The following FNIP2 variants were observed in gnomAD, a reference collection of about 807,000 sequenced individuals.
The protein encoded by FNIP2 is folliculin interacting protein 2.
A neutral mutation model predicts 108.7 loss-of-function variants in FNIP2; 32 were observed. The observed-to-expected ratio is 0.29, with a 90% CI of 0.22 to 0.40. The LOEUF (loss-of-function observed/expected upper bound fraction) is 0.40. FNIP2 is among the 10% of genes least tolerant of loss of function. The pLI, the probability that FNIP2 is intolerant of heterozygous loss-of-function variation, is 1.00. For missense variants in FNIP2, 1,202 were observed against 1,381.6 expected (o/e 0.87, Z 2.06); for synonymous variants, 480 against 496.7 (o/e 0.97, Z 0.45).
chr4:158,820,694 C>G (rs1406674998), intron 1 of FNIP2, among the ~76,000 whole-genome samples: 7 of 39,990 alleles, frequency 1.8e-4, no homozygotes, highest in Non-Finnish European at 4.7e-5. Flanking sequence ...GGAGACACAT[C>G]CCAAGCACCC....
chr4:158,899,771 A>G (rs867265283), intron 16 of FNIP2, among the ~76,000 whole-genome samples: 1 of 151,858 alleles, frequency 6.6e-6, no homozygotes, highest in Non-Finnish European at 1.5e-5. Flanking sequence ...CTAGTGGTCT[A>G]TTTTGTTGAT....
At chr4:158,895,646 A>AT in intron 15 of FNIP2, 104 bp from the exon 16 acceptor site, 1 of 715,710 alleles carries the variant, frequency 1.4e-6, no homozygotes, top group Non-Finnish European at 2.5e-6. Flanking sequence ...AACTGATGAG[A>AT]TAAAAGCTGT....
chr4:158,784,170 G>T (rs1371859818), intron 1 of FNIP2, among the ~76,000 whole-genome samples: 2 of 152,234 alleles, frequency 1.3e-5, no homozygotes, highest in African/African-American at 4.8e-5. Flanking sequence ...GTTGTCAGAA[G>T]ATATTAAGCC....
chr4:158,893,676 G>T (rs1223367154), intron 15 of FNIP2: 1 of 1,583,026 alleles, frequency 6.3e-7, no homozygotes. Flanking sequence ...CCTTCTAAAA[G>T]CAGGTTGAGT....
At chr4:158,831,283 A>C (rs1778468453) in intron 3 of FNIP2, among the ~76,000 whole-genome samples, 2 of 152,320 alleles carry the variant, frequency 1.3e-5, no homozygotes, top group South Asian at 4.1e-4. Context: ...GGAGGCAGGC[A>C]GTCCACTCTT....
intron 3 of FNIP2, among the ~76,000 whole-genome samples, chr4:158,830,877 C>T (rs1560784583): frequency 6.6e-6 from 1 of 152,102 alleles, no homozygotes; most frequent in African/African-American, 2.4e-5. Flanking sequence ...TTCTGCATCC[C>T]AAGACACTCA....
intron 6 of FNIP2, 109 bp from the exon 7 acceptor site, chr4:158,835,296 A>C (rs1463402416): frequency 2.6e-6 from 2 of 781,594 alleles, no homozygotes; most frequent in African/African-American, 1.7e-5. Flanking sequence ...GCTTATGCCA[A>C]TCATCAGTAG....
intron 1 of FNIP2, among the ~76,000 whole-genome samples, chr4:158,820,093 TTG>T (rs1777798311): frequency 1.3e-5 from 2 of 152,354 alleles, no homozygotes; most frequent in African/African-American, 4.8e-5. Context: ...TCATTATTGT[TTG>T]TTTTTGTTTT....
intron 15 of FNIP2, among the ~76,000 whole-genome samples, chr4:158,894,128 G>T (rs1782471946): frequency 6.6e-6 from 1 of 150,918 alleles, no homozygotes; most frequent in African/African-American, 2.4e-5. Context: ...AAAGCCCCCA[G>T]CATGGTTCAA....
chr4:158,827,533 G>A (rs1323683667), intron 2 of FNIP2, among the ~76,000 whole-genome samples: 1 of 152,136 alleles, frequency 6.6e-6, no homozygotes, highest in Admixed American at 6.5e-5. Context: ...TCCAGTCAGT[G>A]CTCTATTCAC....
At chr4:158,827,375 A>G (rs1229063948) in intron 2 of FNIP2, among the ~76,000 whole-genome samples, 4 of 152,196 alleles carry the variant, frequency 2.6e-5, no homozygotes, top group Admixed American at 2.0e-4. Flanking sequence ...AAGAAACACA[A>G]GTTTTCAAAA....
At chr4:158,785,700 T>G (rs907854343) in intron 1 of FNIP2, among the ~76,000 whole-genome samples, 4 of 135,436 alleles carry the variant, frequency 3.0e-5, no homozygotes, top group Non-Finnish European at 6.5e-5. Context: ...TTTTTTCTTT[T>G]TCTTTCTTTC....
intron 1 of FNIP2, among the ~76,000 whole-genome samples, chr4:158,800,059 A>G (rs1293852447): frequency 2.0e-5 from 3 of 152,094 alleles, no homozygotes; most frequent in African/African-American, 7.2e-5. Context: ...TTAGATATGA[A>G]GTAGTTACAA....
At chr4:158,807,768 GAGCAC>G (rs999100438) in intron 1 of FNIP2, among the ~76,000 whole-genome samples, 1 of 152,172 alleles carries the variant, frequency 6.6e-6, no homozygotes, top group African/African-American at 2.4e-5. Flanking sequence ...TACAGCGTAA[GAGCAC>G]AGTAGACCGG....
intron 7 of FNIP2, among the ~76,000 whole-genome samples, chr4:158,850,818 T>G (rs749999726): frequency 6.6e-6 from 1 of 151,778 alleles, no homozygotes; most frequent in African/African-American, 2.4e-5. Flanking sequence ...AATATAGTTA[T>G]GTTGTGTGGA....
At chr4:158,871,708 G>A (rs1780958037) in intron 14 of FNIP2, 1 of 985,170 alleles carries the variant, frequency 1.0e-6, no homozygotes, top group South Asian at 4.7e-5. Flanking sequence ...GGATACTCCT[G>A]GGATGAAACT....
intron 16 of FNIP2, among the ~76,000 whole-genome samples, chr4:158,903,422 G>T: frequency 6.6e-6 from 1 of 152,092 alleles, no homozygotes; most frequent in East Asian, 1.9e-4. Flanking sequence ...GTTCCTATTC[G>T]GCCGTCTTGC....
chr4:158,779,510 T>C (rs1775965890), intron 1 of FNIP2, among the ~76,000 whole-genome samples: 1 of 150,892 alleles, frequency 6.6e-6, no homozygotes. Context: ...AGAAAAATAA[T>C]AAAGAACAGT....
Position 158,861,663 on chromosome 4 carries a change from C to G in FNIP2, c.1352C>G (p.Thr451Ser). The G allele has an allele frequency of 6.2e-7, 1 of 1,614,052 alleles. No homozygotes were observed. The highest frequency in any genetic ancestry group is 8.5e-7 in the Non-Finnish European group (1 of 1,179,898). Residue 451 changes from threonine (T) to serine (S), a missense_variant, in exon 12 of 17, where the codon ACT becomes AGT. Transcript: ENST00000264433. ...VLTYHLAWVP[T>S]VMPVDHPPIK... ...ACCTACCACCTGGCCTGGGTCCCAA[C>G]TGTCATGCCTGTGGATCACCCTCCC...
Sources: allele counts gnomAD v4.1 joint callset (sites outside exome capture counted in the v4.1 genomes callset), GRCh38; gene constraint gnomAD v4.1.1; transcripts MANE v1.5; gene names NCBI Gene and HGNC (gene_info 2026-07-23, HGNC 2026-07-21).